Variants in ANKRD45 observed in about 807,000 individuals in gnomAD.
ANKRD45 encodes the protein ankyrin repeat domain-containing protein 45.
In ANKRD45, 21 loss-of-function variants were observed where a neutral mutation model predicts 28.1. The observed-to-expected ratio is 0.75, with a 90% CI of 0.53 to 1.08. The LOEUF is 1.08. Ranked by LOEUF, ANKRD45 falls within the 50% of genes least tolerant of loss-of-function variation. ANKRD45 has a pLI of 0.00. For synonymous variants in ANKRD45, 86 were observed against 103.9 expected, an observed-to-expected ratio of 0.83 and a Z score of 1.05; for missense variants, 261 against 308.7, an observed-to-expected ratio of 0.85 and a Z score of 1.16.
At chr1:173,647,459 G>A (rs973743140) in intron 2 of ANKRD45, among the ~76,000 whole-genome samples, 1 of 152,108 alleles carries the variant, frequency 6.6e-6, no homozygotes, top group Non-Finnish European at 1.5e-5. Context: ...TACTACAACT[G>A]TGTATACCTT....
At chr1:173,644,381 AT>A (rs1374030943) in intron 3 of ANKRD45, among the ~76,000 whole-genome samples, 1 of 152,216 alleles carries the variant, frequency 6.6e-6, no homozygotes, top group Non-Finnish European at 1.5e-5. Flanking sequence ...GTTAAATTTT[AT>A]GTTGAGTTAT....
chr1:173,660,817 T>C (rs960778773), intron 1 of ANKRD45, among the ~76,000 whole-genome samples: 21 of 152,220 alleles, frequency 1.4e-4, no homozygotes, highest in Non-Finnish European at 2.4e-4. Flanking sequence ...AACCTTGAGG[T>C]GACTATGGCC....
At chr1:173,621,806 G>A (rs1010898737) in intron 5 of ANKRD45, among the ~76,000 whole-genome samples, 1 of 152,126 alleles carries the variant, frequency 6.6e-6, no homozygotes, top group African/African-American at 2.4e-5. Flanking sequence ...ATTCTGGCTA[G>A]GGAAATCAGG....
At chr1:173,676,685 G>A in the ANKRD45 span, among the ~76,000 whole-genome samples, 1 of 151,702 alleles carries the variant, frequency 6.6e-6, no homozygotes, top group African/African-American at 2.4e-5. Context: ...TTTTAGGGCA[G>A]CCATAAAGAT....
intron 3 of ANKRD45, chr1:173,635,606 G>A (rs1668395600): frequency 6.5e-7 from 1 of 1,535,488 alleles, no homozygotes; most frequent in African/African-American, 1.4e-5. Flanking sequence ...TGATGGAACT[G>A]TCTGGACAAA....
intron 3 of ANKRD45, among the ~76,000 whole-genome samples, chr1:173,644,300 G>A (rs2102355695): frequency 1.3e-5 from 2 of 152,196 alleles, no homozygotes; most frequent in South Asian, 4.2e-4. Flanking sequence ...ACATTCCACA[G>A]CTACATTACT....
upstream of ANKRD45, among the ~76,000 whole-genome samples, chr1:173,672,208 A>G (rs75336228): frequency 7.2e-3 from 1,092 of 152,324 alleles, 54 homozygotes; most frequent in East Asian, 0.13. Context: ...TTCATGTTCA[A>G]ATAAGTTGTG....
At position 173,609,944 on chromosome 1, in the gene ANKRD45, A is replaced by G; in HGVS notation, c.*201T>C. On this transcript the variant is annotated 3_prime_UTR_variant, in exon 6 of 6. Coordinates refer to ENST00000333279, the MANE Select transcript of ANKRD45 (RefSeq NM_198493.3). ...TCCTGAAGGAGCACGTGAAACTCACATGGGGCTGTGCTTGGAGGAGCAGAG... is the reference window on the plus strand; with the variant it reads ...TCCTGAAGGAGCACGTGAAACTCACGTGGGGCTGTGCTTGGAGGAGCAGAG... The G allele has an allele frequency of 1.7e-6, 1 of 572,702 alleles. No individual in the cohort carries two copies. Among genetic ancestry groups the G allele is most frequent in the East Asian group, 2.9e-5 (1 of 34,336 alleles). 35.5% of individuals were successfully genotyped at this position (572,702 alleles called of 1,614,324 possible). A position where few individuals can be genotyped will look rare whatever the true frequency, so the allele number is the denominator to read the frequency against.
At chr1:173,677,237 C>A in the ANKRD45 span, among the ~76,000 whole-genome samples, 1 of 150,856 alleles carries the variant, frequency 6.6e-6, no homozygotes, top group African/African-American at 2.4e-5. Flanking sequence ...ATTTTCCAAA[C>A]AATAAACCCT....
At chr1:173,650,416 G>A (rs917139244) in intron 2 of ANKRD45, among the ~76,000 whole-genome samples, 2 of 152,130 alleles carry the variant, frequency 1.3e-5, no homozygotes, top group African/African-American at 2.4e-5. Context: ...CCATGTCCCT[G>A]CACAGGATAT....
chr1:173,613,568 C>G (rs9660039), intron 5 of ANKRD45, among the ~76,000 whole-genome samples: 1,853 of 141,826 alleles, frequency 0.013, 164 homozygotes, highest in African/African-American at 0.041. Flanking sequence ...GTCAGCCCCC[C>G]CCCCGGCCAG....
At chr1:173,665,372 C>A (rs1669962588) in intron 1 of ANKRD45, among the ~76,000 whole-genome samples, 1 of 152,114 alleles carries the variant, frequency 6.6e-6, no homozygotes, top group Non-Finnish European at 1.5e-5. Flanking sequence ...ATAGTTTATT[C>A]CTATGCAAGG....
At chr1:173,695,251 T>C in the ANKRD45 span, among the ~76,000 whole-genome samples, 3 of 152,178 alleles carry the variant, frequency 2.0e-5, no homozygotes, top group Admixed American at 6.5e-5. Context: ...GTTTGTTAGG[T>C]GGGTATATAA....
intron 5 of ANKRD45, among the ~76,000 whole-genome samples, chr1:173,617,845 G>A (rs12058218): frequency 0.17 from 25,884 of 152,150 alleles, 7,333 homozygotes; most frequent in African/African-American, 0.59. Context: ...CTCCCAACAC[G>A]GGTCTTCAGA....
At chr1:173,615,699 A>G (rs1033952896) in intron 5 of ANKRD45, among the ~76,000 whole-genome samples, 3 of 152,230 alleles carry the variant, frequency 2.0e-5, no homozygotes, top group African/African-American at 7.2e-5. Flanking sequence ...CAATATACCA[A>G]AGAAAAAGGA....
chr1:173,658,953 C>T, intron 2 of ANKRD45, 138 bp downstream of exon 2: 3 of 1,212,434 alleles, frequency 2.5e-6, no homozygotes, highest in Non-Finnish European at 3.3e-6. Flanking sequence ...TATACACATA[C>T]ATACACCCAT....
chr1:173,707,227 T>A, the ANKRD45 span, among the ~76,000 whole-genome samples: 2 of 152,140 alleles, frequency 1.3e-5, no homozygotes, highest in Non-Finnish European at 2.9e-5. Context: ...TTCCTAATTG[T>A]CATTTTTTTT....
chr1:173,699,817 C>T, the ANKRD45 span, among the ~76,000 whole-genome samples: 1 of 152,084 alleles, frequency 6.6e-6, no homozygotes, highest in Non-Finnish European at 1.5e-5. Context: ...GAAGTTCTGA[C>T]CAGGGCAATC....
chr1:173,610,716 G>A (rs1173425559), intron 5 of ANKRD45, among the ~76,000 whole-genome samples: 5 of 152,028 alleles, frequency 3.3e-5, no homozygotes, highest in Non-Finnish European at 7.4e-5. Context: ...CAGCTACTTA[G>A]GAGGCTGAGG....
Sources: allele counts gnomAD v4.1 joint callset (sites outside exome capture counted in the v4.1 genomes callset), GRCh38; gene constraint gnomAD v4.1.1; transcripts MANE v1.5; gene names NCBI Gene and HGNC (gene_info 2026-07-23, HGNC 2026-07-21).